Variants in KCNJ13 observed in about 807,000 individuals in gnomAD.
KCNJ13 encodes inward rectifier potassium channel 13.
KCNJ13 carries 9 observed loss-of-function variants against 24.6 expected under a neutral mutation model. The ratio of observed to expected loss-of-function variants is 0.37; its 90% CI spans 0.22 to 0.64. The LOEUF (loss-of-function observed/expected upper bound fraction) is 0.64, where lower values mean the gene tolerates loss of function less well. KCNJ13 is among the 30% of genes least tolerant of loss of function. KCNJ13 has a pLI of 0.64. For synonymous variants in KCNJ13, 148 were observed against 154.7 expected, an observed-to-expected ratio of 0.96 and a Z score of 0.32; for missense variants, 337 against 443.8, an observed-to-expected ratio of 0.76 and a Z score of 2.16.
Position 232,770,931 on chromosome 2 carries a change from T to TA in KCNJ13, c.431dup (p.Gly145ArgfsTer30). Reference sequence around the variant, plus strand: ...TGATAAAAGCCTCTAGCATGAGGCCTAGGAGCATTTGTATGGCAAGTAAGG... The same window carrying TA: ...TGATAAAAGCCTCTAGCATGAGGCCTAAGGAGCATTTGTATGGCAAGTAAGG... On this transcript the variant is annotated frameshift_variant, in exon 2 of 3. Coordinates refer to ENST00000233826, the MANE Select transcript of KCNJ13 (RefSeq NM_002242.4). LOFTEE classifies it high-confidence loss of function. 6.2e-7 allele frequency: 1 copy of TA among 1,613,826 alleles called. No individual in the cohort carries two copies. The highest frequency in any genetic ancestry group is 1.3e-5 in the African/African-American group (1 of 75,026).
chr2:232,770,594 TA>T (rs1379797997), intron 2 of KCNJ13, among the ~76,000 whole-genome samples: 1 of 125,670 alleles, frequency 8.0e-6, no homozygotes, highest in Non-Finnish European at 1.7e-5. Flanking sequence ...AACCTCCTTT[TA>T]AACCTTTTGT....
At chr2:232,775,275 G>A (rs1187696756) in intron 1 of KCNJ13, among the ~76,000 whole-genome samples, 1 of 152,124 alleles carries the variant, frequency 6.6e-6, no homozygotes, top group Non-Finnish European at 1.5e-5. Context: ...TGGTTACATA[G>A]CTGTGTCATT....
intron 1 of KCNJ13, among the ~76,000 whole-genome samples, chr2:232,773,170 G>A (rs922131381): frequency 6.6e-6 from 1 of 152,044 alleles, no homozygotes; most frequent in Non-Finnish European, 1.5e-5. Context: ...ATCATTTAGT[G>A]TATTCTTTTT....
chr2:232,766,096 A>G lies in KCNJ13; in HGVS notation c.*2095T>C, dbSNP rs1698951984. The G allele has an allele frequency of 2.3e-6, 1 of 441,238 alleles. No individual in the cohort carries two copies. The highest frequency in any genetic ancestry group is 2.0e-5 in the African/African-American group (1 of 49,048). 27.3% of individuals were successfully genotyped at this position (441,238 alleles called of 1,614,324 possible). A position where few individuals can be genotyped will look rare whatever the true frequency, so the allele number is the denominator to read the frequency against. On this transcript the variant is annotated 3_prime_UTR_variant, in exon 3 of 3. Transcript: ENST00000233826. ...GAGGATAATGGTCTTTCTATAGAAA[A>G]CCTAATCCTTAACCTAGAAACTGTG...
At chr2:232,770,282 G>A (rs937361537) in intron 2 of KCNJ13, among the ~76,000 whole-genome samples, 1 of 152,176 alleles carries the variant, frequency 6.6e-6, no homozygotes, top group Non-Finnish European at 1.5e-5. Context: ...AAGGGCACTA[G>A]TCCTCCTTTA....
At position 232,768,151 on chromosome 2, in the gene KCNJ13, C is replaced by G. The variant is rs1366411593; in HGVS notation, c.*40G>C. The G allele has an allele frequency of 6.2e-7, 1 of 1,602,904 alleles. No homozygotes were observed. The highest frequency in any genetic ancestry group is 8.5e-7 in the Non-Finnish European group (1 of 1,170,954). On this transcript the variant is annotated 3_prime_UTR_variant, in exon 3 of 3. Transcript: ENST00000233826. ...CAGTAAAGAAAAAGTAGCTGCATAA[C>G]TGGCTGGGTGTATTTAATACATTAA...
In KCNJ13 at chr2:232,767,626, T is replaced by G. The variant is rs1699030287; in HGVS notation, c.*565A>C. 1 of 159,150 alleles carries G rather than the reference T, an allele frequency of 6.3e-6. No individual in the cohort carries two copies. Among genetic ancestry groups the G allele is most frequent in the Non-Finnish European group, 1.4e-5 (1 of 72,136 alleles). The allele number at this position is 159,150 out of a possible 1,614,324, so 9.9% of individuals were successfully genotyped here. On this transcript the variant is annotated 3_prime_UTR_variant, in exon 3 of 3. Transcript: ENST00000233826. ...ATGTATAAATCTGTACTTTGTTGTT[T>G]TTCTCGTTAATTTTTGTTCTTAGTT...
rs1441503089 is a variant in KCNJ13 at position 232,767,245 on chromosome 2, AC to A, written c.*945del. On this transcript the variant is annotated 3_prime_UTR_variant, in exon 3 of 3. Coordinates refer to ENST00000233826, the MANE Select transcript of KCNJ13 (RefSeq NM_002242.4). ...TGCCTAATTATCTTTTGCTTTATCT[AC>A]TGTAGATTTTTTTCCCTACTCACTC... is the stretch of plus-strand genomic sequence containing the variant. 6.6e-6 allele frequency: 1 copy of A among 152,170 alleles called. No individual in the cohort carries two copies. The highest frequency in any genetic ancestry group is 1.5e-5 in the Non-Finnish European group (1 of 68,022). The allele number at this position is 152,170 out of a possible 1,614,324, so 9.4% of individuals were successfully genotyped here.
rs1559416085 is a variant in KCNJ13 at position 232,768,638 on chromosome 2, T to G, written c.636A>C (p.Arg212Ser). Residue 212 changes from arginine (R) to serine (S), a missense_variant, in exon 3 of 3, where the codon AGA (arginine) becomes AGC (serine). Coordinates refer to ENST00000233826, the MANE Select transcript of KCNJ13 (RefSeq NM_002242.4). ...VRVSAVLYQE[R>S]ENGKLYQTSV... ...TGGTCTGGTAGAGTTTGCCATTTTC[T>G]CTTTCCTGATAGAGTACAGCTGAGA... The G allele has an allele frequency of 6.2e-7, 1 of 1,614,144 alleles. No homozygotes were observed. The highest frequency in any genetic ancestry group is 8.5e-7 in the Non-Finnish European group (1 of 1,180,006).
Position 232,768,039 on chromosome 2 carries a change from TAGCTC to T in KCNJ13, c.*147_*151del, listed in dbSNP as rs1261792182. ...GTTATGTTTCCAGAATGTGTATTGT[TAGCTC>T]AGCCATTCTTATGTAGGCATAGGCA... is the stretch of plus-strand genomic sequence containing the variant. On this transcript the variant is annotated 3_prime_UTR_variant, in exon 3 of 3. Coordinates refer to ENST00000233826, the MANE Select transcript of KCNJ13 (RefSeq NM_002242.4). 7 of 713,372 alleles carry T rather than the reference TAGCTC, an allele frequency of 9.8e-6. No individual in the cohort carries two copies. The highest frequency in any genetic ancestry group is 1.6e-5 in the Non-Finnish European group (7 of 425,542). 44.2% of individuals were successfully genotyped at this position (713,372 alleles called of 1,614,324 possible).
intron 2 of KCNJ13, 34 bp from the exon 3 acceptor site, chr2:232,768,847 G>T: frequency 6.4e-7 from 1 of 1,563,790 alleles, no homozygotes; most frequent in Non-Finnish European, 8.7e-7. Flanking sequence ...TTTTTAGAAT[G>T]AAGACTTTAA....
In KCNJ13 at chr2:232,771,245, A is replaced by G. The variant is rs929791413; in HGVS notation, c.118T>C (p.Tyr40His). 3 of 1,609,772 alleles carry G rather than the reference A, an allele frequency of 1.9e-6. No homozygotes were observed. The highest frequency in any genetic ancestry group is 2.5e-6 in the Non-Finnish European group (3 of 1,176,744). ...AGGATTCCCCAAGCATCTCGAAGAT[A>G]TGCAAGACCTCTTTGAGCGCCATCC... ...QMDGAQRGLAYLRDAWGILMD... is the reference protein window; with the variant it reads ...QMDGAQRGLAHLRDAWGILMD... The change falls in exon 2 of 3, where the codon TAT (tyrosine) becomes CAT (histidine). Residue 40 changes from tyrosine (Y) to histidine (H), a missense_variant. Physicochemically the swap from Tyr to His is moderately conservative, Grantham distance 83. Transcript: ENST00000233826.
chr2:232,768,238 G>C lies in KCNJ13; in HGVS notation c.1036C>G (p.Gln346Glu). 6.2e-7 allele frequency: 1 copy of C among 1,613,820 alleles called. No individual in the cohort carries two copies. ...GAGATCTGAAAATTGTCAATGCTTTGTCCATTGATGTGGATATCCAGGTCA... is the reference window on the plus strand; with the variant it reads ...GAGATCTGAAAATTGTCAATGCTTTCTCCATTGATGTGGATATCCAGGTCA... ...RTDLDIHING[Q>E]SIDNFQISET... is the part of the protein sequence containing the mutation. The change falls in exon 3 of 3, where the codon CAA (glutamine) becomes GAA (glutamate). Residue 346 changes from glutamine to glutamate, a missense_variant. By Grantham distance (29) the Gln-to-Glu change is conservative (BLOSUM62 2). Transcript: ENST00000233826.
rs1396840547 is a variant in KCNJ13 at position 232,771,214 on chromosome 2, T to A, written c.149A>T (p.Asp50Val). 3 of 1,612,072 alleles carry A rather than the reference T, an allele frequency of 1.9e-6. No homozygotes were observed. Among genetic ancestry groups the A allele is most frequent in the Non-Finnish European group, 2.5e-6 (3 of 1,178,372 alleles). Residue 50 changes from aspartate (D) to valine (V), a missense_variant, in exon 2 of 3, where the codon GAC becomes GTC. Physicochemically the swap from Asp to Val is radical, Grantham distance 152. Transcript: ENST00000233826. ...CAACATCATCCAACGCCAGCGCATG[T>A]CCATTAGGATTCCCCAAGCATCTCG... Reference protein sequence around the residue: ...YLRDAWGILMDMRWRWMMLVF... With the variant: ...YLRDAWGILMVMRWRWMMLVF...
intron 2 of KCNJ13, among the ~76,000 whole-genome samples, chr2:232,770,503 T>C (rs2293780): frequency 0.66 from 99,742 of 152,080 alleles, 32,998 homozygotes; most frequent in South Asian, 0.79. Flanking sequence ...AACCAAATTC[T>C]TTTGTTAGGT....
intron 1 of KCNJ13, among the ~76,000 whole-genome samples, chr2:232,772,984 G>A (rs374742816): frequency 2.6e-5 from 4 of 152,030 alleles, no homozygotes; most frequent in African/African-American, 9.7e-5. Context: ...AACATTTATT[G>A]GTGATTAGAG....
In KCNJ13 at chr2:232,768,234, C is replaced by CT. The variant is rs1401623074; in HGVS notation, c.1039dup (p.Ser347LysfsTer3). On this transcript the variant is annotated frameshift_variant, in exon 3 of 3. Transcript: ENST00000233826. LOFTEE classifies it high-confidence loss of function. ...TTCAGAGATCTGAAAATTGTCAATG[C>CT]TTTGTCCATTGATGTGGATATCCAG... is the stretch of plus-strand genomic sequence containing the variant. 1 of 1,613,824 alleles carries CT rather than the reference C, an allele frequency of 6.2e-7. No individual in the cohort carries two copies. Among genetic ancestry groups the CT allele is most frequent in the African/African-American group, 1.3e-5 (1 of 74,910 alleles).
chr2:232,774,181 TA>T (rs1354190214), intron 1 of KCNJ13, among the ~76,000 whole-genome samples: 1 of 152,054 alleles, frequency 6.6e-6, no homozygotes, highest in Admixed American at 6.6e-5. Flanking sequence ...ATATGAATAT[TA>T]TACATTCTGA....
intron 1 of KCNJ13, among the ~76,000 whole-genome samples, chr2:232,771,622 C>T (rs942531752): frequency 2.0e-5 from 3 of 152,158 alleles, no homozygotes; most frequent in African/African-American, 7.2e-5. Context: ...CATTGTTTAA[C>T]ACTTAAACAT....
Sources: gnomAD v4.1 joint callset for allele counts (sites outside exome capture counted in the v4.1 genomes callset) on GRCh38, gnomAD v4.1.1 for gene constraint, MANE v1.5 for transcripts, NCBI Gene and HGNC (gene_info 2026-07-23, HGNC 2026-07-21) for gene names.